MDGA2: variants seen among roughly 807,000 people sequenced by gnomAD.
MDGA2 encodes MAM domain containing glycosylphosphatidylinositol anchor 2.
Under a neutral mutation model 117.8 loss-of-function variants are expected in MDGA2, and 40 were observed. The ratio of observed to expected loss-of-function variants is 0.34; its 90% CI spans 0.26 to 0.44. The LOEUF (loss-of-function observed/expected upper bound fraction) is 0.44, where lower values mean the gene tolerates loss of function less well. MDGA2 is among the 20% of genes least tolerant of loss of function. The probability of loss-of-function intolerance (pLI) is 1.00; values close to 1 mark genes in which losing one functional copy is unlikely to be tolerated. For missense variants in MDGA2, 1,123 were observed against 1,250.6 expected (o/e 0.90, Z 1.54); for synonymous variants, 452 against 439.0 (o/e 1.03, Z -0.37).
intron 1 of MDGA2, among the ~76,000 whole-genome samples, chr14:47,617,693 T>C (rs909861066): frequency 1.3e-5 from 2 of 152,188 alleles, no homozygotes; most frequent in Admixed American, 6.5e-5. Flanking sequence ...ACTGAGTTGC[T>C]TGGTAAACTA....
chr14:47,559,146 T>TGC (rs1158958257), intron 1 of MDGA2, among the ~76,000 whole-genome samples: 2 of 152,194 alleles, frequency 1.3e-5, no homozygotes, highest in Non-Finnish European at 1.5e-5. Context: ...ATAGGTAAAT[T>TGC]GCGTGTTGCA....
intron 2 of MDGA2, among the ~76,000 whole-genome samples, chr14:47,229,238 A>C (rs1886607717): frequency 6.6e-6 from 1 of 152,120 alleles, no homozygotes; most frequent in African/African-American, 2.4e-5. Flanking sequence ...TTATCTTTCT[A>C]GCTTTTCTTC....
chr14:47,206,069 G>T (rs1025058274), intron 3 of MDGA2, among the ~76,000 whole-genome samples: 1 of 151,950 alleles, frequency 6.6e-6, no homozygotes, highest in African/African-American at 2.4e-5. Flanking sequence ...ATAGAAAAAA[G>T]AAAGAAGATA....
chr14:47,202,696 G>A (rs1383699342), intron 3 of MDGA2, among the ~76,000 whole-genome samples: 1 of 152,130 alleles, frequency 6.6e-6, no homozygotes, highest in African/African-American at 2.4e-5. Context: ...CAGCATTTAG[G>A]TGCATGAGGT....
At chr14:47,356,791 C>A (rs531124605) in intron 1 of MDGA2, among the ~76,000 whole-genome samples, 1 of 152,214 alleles carries the variant, frequency 6.6e-6, no homozygotes, top group Admixed American at 6.5e-5. Context: ...ACCCTCCTTG[C>A]CTTTGACCTC....
At chr14:47,547,840 A>C (rs1895493504) in intron 1 of MDGA2, among the ~76,000 whole-genome samples, 2 of 152,220 alleles carry the variant, frequency 1.3e-5, no homozygotes. Flanking sequence ...TAAAAATTAT[A>C]TCCCTAGGTT....
At chr14:47,064,475 T>C (rs1156512348) in intron 6 of MDGA2, among the ~76,000 whole-genome samples, 2 of 152,112 alleles carry the variant, frequency 1.3e-5, no homozygotes, top group Non-Finnish European at 2.9e-5. Context: ...CGTGTACTCA[T>C]ATATAGTAAC....
chr14:47,028,583 T>C (rs936913967), intron 8 of MDGA2, among the ~76,000 whole-genome samples: 1 of 152,144 alleles, frequency 6.6e-6, no homozygotes, highest in African/African-American at 2.4e-5. Flanking sequence ...CTAGTGTCCA[T>C]GGAGCTATCA....
intron 14 of MDGA2, among the ~76,000 whole-genome samples, chr14:46,861,704 T>C (rs201771789): frequency 6.6e-6 from 1 of 152,042 alleles, no homozygotes; most frequent in East Asian, 1.9e-4. Context: ...ATAGTAATAA[T>C]TATATGATTA....
chr14:47,550,522 T>C (rs1206408980), intron 1 of MDGA2, among the ~76,000 whole-genome samples: 1 of 152,184 alleles, frequency 6.6e-6, no homozygotes, highest in East Asian at 1.9e-4. Context: ...TGACACTAAA[T>C]GAGTCTACAG....
chr14:46,980,687 G>A (rs905082900), intron 8 of MDGA2, among the ~76,000 whole-genome samples: 9 of 152,072 alleles, frequency 5.9e-5, no homozygotes, highest in Non-Finnish European at 1.0e-4. Context: ...AACCACCACC[G>A]CATTGAGTCA....
At chr14:47,361,205 C>CTATATA (rs1244944759) in intron 1 of MDGA2, among the ~76,000 whole-genome samples, 67 of 124,710 alleles carry the variant, frequency 5.4e-4, no homozygotes, top group East Asian at 3.5e-3. Context: ...CTCTCTCTCT[C>CTATATA]TCTATATATA....
intron 1 of MDGA2, among the ~76,000 whole-genome samples, chr14:47,629,177 C>T (rs561468673): frequency 9.9e-5 from 15 of 152,266 alleles, no homozygotes; most frequent in Admixed American, 2.6e-4. Context: ...TGAATAAAAA[C>T]GGCTTATAAA....
At chr14:47,031,629 T>C (rs1226891141) in intron 8 of MDGA2, among the ~76,000 whole-genome samples, 2 of 152,166 alleles carry the variant, frequency 1.3e-5, no homozygotes, top group African/African-American at 4.8e-5. Flanking sequence ...AAATGTCATA[T>C]TGAAATGTAA....
chr14:47,129,457 T>A (rs1594651654), intron 5 of MDGA2, among the ~76,000 whole-genome samples: 3 of 151,740 alleles, frequency 2.0e-5, no homozygotes, highest in South Asian at 2.1e-4. Context: ...TTCCATGGTG[T>A]ATATGTGCCA....
At chr14:47,216,614 TTG>T (rs1276448425) in intron 3 of MDGA2, among the ~76,000 whole-genome samples, 1 of 152,144 alleles carries the variant, frequency 6.6e-6, no homozygotes, top group Non-Finnish European at 1.5e-5. Context: ...GATTTTACAA[TTG>T]TGTTTAAGGT....
chr14:47,596,825 T>A (rs1012412326), intron 1 of MDGA2, among the ~76,000 whole-genome samples: 1 of 152,110 alleles, frequency 6.6e-6, no homozygotes, highest in African/African-American at 2.4e-5. Flanking sequence ...AAGAAACTAG[T>A]CCTGTAGAGG....
chr14:46,928,337 A>T (rs1432006881), intron 9 of MDGA2, among the ~76,000 whole-genome samples: 1 of 152,180 alleles, frequency 6.6e-6, no homozygotes, highest in African/African-American at 2.4e-5. Context: ...ATACCAAGTG[A>T]AACTGGGAAC....
At chr14:47,091,832 G>A (rs1879674157) in intron 6 of MDGA2, among the ~76,000 whole-genome samples, 1 of 152,002 alleles carries the variant, frequency 6.6e-6, no homozygotes, top group African/African-American at 2.4e-5. Flanking sequence ...AGGGATGGAG[G>A]CAACATCCAT....
Sources: allele counts gnomAD v4.1 joint callset (sites outside exome capture counted in the v4.1 genomes callset), GRCh38; gene constraint gnomAD v4.1.1; transcripts MANE v1.5; gene names NCBI Gene and HGNC (gene_info 2026-07-23, HGNC 2026-07-21).